ANTXR2: variants seen among roughly 807,000 people sequenced by gnomAD.
The protein encoded by ANTXR2 is ANTXR cell adhesion molecule 2.
ANTXR2 carries 44 observed loss-of-function variants against 73.7 expected under a neutral mutation model. That is an observed-to-expected ratio of 0.60 (90% CI 0.47 to 0.77). The LOEUF is 0.77. Ranked by LOEUF, ANTXR2 falls within the 30% of genes least tolerant of loss-of-function variation. ANTXR2 has a pLI of 0.00. For synonymous variants in ANTXR2, 217 were observed against 205.9 expected, an observed-to-expected ratio of 1.05 and a Z score of -0.46; for missense variants, 604 against 592.5, an observed-to-expected ratio of 1.02 and a Z score of -0.20.
chr4:79,901,502 C>T lies in ANTXR2; in HGVS notation c.*5927G>A, dbSNP rs1366319363. On this transcript the variant is annotated 3_prime_UTR_variant, in exon 17 of 17. Transcript: ENST00000403729. ...ATGCATATCTTTTTCATAGTCTACA[C>T]CCTAGAACAACCATACCCAATATTT... The T allele has an allele frequency of 6.9e-6, 1 of 144,632 alleles. No homozygotes were observed. Among genetic ancestry groups the T allele is most frequent in the Admixed American group, 7.4e-5 (1 of 13,590 alleles). The allele number at this position is 144,632 out of a possible 1,614,324, so 9.0% of individuals were successfully genotyped here.
chr4:80,010,870 G>A (rs557783305), intron 11 of ANTXR2, among the ~76,000 whole-genome samples: 10 of 152,028 alleles, frequency 6.6e-5, no homozygotes, highest in East Asian at 3.9e-4. Context: ...AAAAATGGCC[G>A]GGCACAGTGG....
intron 11 of ANTXR2, among the ~76,000 whole-genome samples, chr4:80,016,361 C>A: frequency 6.6e-6 from 1 of 152,108 alleles, no homozygotes; most frequent in Middle Eastern, 3.2e-3. Context: ...CTATAATATG[C>A]TCCCCATCCC....
At chr4:79,930,886 G>T (rs943552501) in intron 16 of ANTXR2, among the ~76,000 whole-genome samples, 1 of 152,012 alleles carries the variant, frequency 6.6e-6, no homozygotes, top group Non-Finnish European at 1.5e-5. Flanking sequence ...ATTTATTTCC[G>T]CTTACAGCTC....
At position 79,983,868 on chromosome 4, in the gene ANTXR2, A is replaced by G; in HGVS notation, c.1179+10T>C. On this transcript the variant is annotated intron_variant, in intron 14 of 16. Transcript: ENST00000403729. ...GATTAGCAGCTTCTATTTTTTTTTAAGATACCAACCTCCATTCTTTTAATT... is the reference window on the plus strand; with the variant it reads ...GATTAGCAGCTTCTATTTTTTTTTAGGATACCAACCTCCATTCTTTTAATT... The G allele has an allele frequency of 2.5e-6, 4 of 1,602,360 alleles. No homozygotes were observed. Among genetic ancestry groups the G allele is most frequent in the African/African-American group, 2.7e-5 (2 of 74,648 alleles).
At chr4:79,931,354 C>T (rs1728045536) in intron 16 of ANTXR2, among the ~76,000 whole-genome samples, 1 of 152,098 alleles carries the variant, frequency 6.6e-6, no homozygotes, top group African/African-American at 2.4e-5. Context: ...GTCAGGGACA[C>T]CAGCTGCAAA....
intron 16 of ANTXR2, among the ~76,000 whole-genome samples, chr4:79,932,074 G>A (rs1728079742): frequency 6.6e-6 from 1 of 151,852 alleles, no homozygotes; most frequent in Admixed American, 6.6e-5. Flanking sequence ...TCTGCCTCTT[G>A]AGCTAGAGGT....
chr4:79,912,641 C>T (rs11946402), intron 16 of ANTXR2, among the ~76,000 whole-genome samples: 49,879 of 151,906 alleles, frequency 0.33, 10,242 homozygotes, highest in Non-Finnish European at 0.45. Flanking sequence ...TCTTTAAAAA[C>T]TTACATTCTT....
At chr4:79,911,194 CA>C (rs774677672) in intron 16 of ANTXR2, among the ~76,000 whole-genome samples, 3 of 152,126 alleles carry the variant, frequency 2.0e-5, no homozygotes, top group Non-Finnish European at 4.4e-5. Flanking sequence ...TGGAATATGA[CA>C]AGGCTTACAA....
Position 79,955,778 on chromosome 4 carries a change from C to T in ANTXR2, c.1428+21843G>A, listed in dbSNP as rs112338325. 2.0e-4 allele frequency among the ~76,000 whole-genome samples: 30 copies of T among 152,252 alleles called. 1 individual carries two copies. The highest frequency in any genetic ancestry group is 3.5e-4 in the Non-Finnish European group (24 of 68,016). ...GCGCCGGACTGAAGCTGATAAATGA[C>T]AGTATCGAGATCCCAACTCCCCTGA... On this transcript the variant is annotated intron_variant, in intron 16 of 16. Coordinates refer to ENST00000403729, the MANE Select transcript of ANTXR2 (RefSeq NM_058172.6).
At chr4:80,000,929 C>T (rs1730999670) in intron 12 of ANTXR2, among the ~76,000 whole-genome samples, 1 of 151,920 alleles carries the variant, frequency 6.6e-6, no homozygotes, top group African/African-American at 2.4e-5. Flanking sequence ...TCATATCACC[C>T]CTGAGGAAGC....
intron 10 of ANTXR2, among the ~76,000 whole-genome samples, chr4:80,029,660 A>G (rs1445629578): frequency 2.6e-5 from 4 of 152,012 alleles, no homozygotes; most frequent in Non-Finnish European, 5.9e-5. Flanking sequence ...AAAAAGGTAT[A>G]CAGGTTACAG....
intron 16 of ANTXR2, among the ~76,000 whole-genome samples, chr4:79,915,856 C>CTATATATATATA (rs1474331161): frequency 5.3e-5 from 6 of 112,270 alleles, no homozygotes; most frequent in East Asian, 2.9e-4. Flanking sequence ...CTCTCTCTCT[C>CTATATATATATA]TCTCTCTATA....
intron 16 of ANTXR2, among the ~76,000 whole-genome samples, chr4:79,966,202 T>A (rs1057311035): frequency 9.1e-6 from 1 of 109,916 alleles, no homozygotes; most frequent in Admixed American, 1.1e-4. Context: ...CAAATATAAA[T>A]GTAGGTAGAT....
intron 9 of ANTXR2, among the ~76,000 whole-genome samples, chr4:80,032,585 G>A (rs1168080365): frequency 6.6e-6 from 1 of 151,686 alleles, no homozygotes; most frequent in Non-Finnish European, 1.5e-5. Flanking sequence ...CTGTGTGTAT[G>A]GCCAAAGCTG....
intron 3 of ANTXR2, among the ~76,000 whole-genome samples, chr4:80,061,462 A>T (rs1184182429): frequency 6.6e-6 from 1 of 152,152 alleles, no homozygotes; most frequent in African/African-American, 2.4e-5. Flanking sequence ...CTCTCAATAG[A>T]TTATTAGCCA....
At chr4:80,043,972 T>C (rs1305957435) in intron 7 of ANTXR2, among the ~76,000 whole-genome samples, 2 of 151,836 alleles carry the variant, frequency 1.3e-5, no homozygotes, top group African/African-American at 4.8e-5. Context: ...CCTTTCTACA[T>C]GACAAGAGGC....
intron 10 of ANTXR2, among the ~76,000 whole-genome samples, chr4:80,023,725 C>A (rs547342914): frequency 6.6e-6 from 1 of 152,120 alleles, no homozygotes; most frequent in African/African-American, 2.4e-5. Flanking sequence ...ATGGAGCACT[C>A]CGACAGGGTG....
chr4:80,054,869 ATTGAG>A (rs1421130760), intron 6 of ANTXR2, among the ~76,000 whole-genome samples: 2 of 151,484 alleles, frequency 1.3e-5, no homozygotes, highest in Non-Finnish European at 3.0e-5. Flanking sequence ...CATTTTGTCA[ATTGAG>A]TTAAGAGAAA....
rs193181757 is a variant in ANTXR2, at chr4:80,039,108, A to C, written c.637-3076T>G. 1.9e-3 allele frequency among the ~76,000 whole-genome samples: 290 copies of C among 152,208 alleles called. 1 individual carries two copies. The highest frequency in any genetic ancestry group is 3.0e-3 in the Non-Finnish European group (205 of 67,976). On this transcript the variant is annotated intron_variant, in intron 7 of 16. Coordinates refer to ENST00000403729, the MANE Select transcript of ANTXR2 (RefSeq NM_058172.6). Reference sequence around the variant, plus strand: ...TATTAGGACACAGATGAGTCAGGATAAAGTTAATTTATGTGATGAGGCATC... The same window carrying C: ...TATTAGGACACAGATGAGTCAGGATCAAGTTAATTTATGTGATGAGGCATC...
Sources: allele counts gnomAD v4.1 joint callset (sites outside exome capture counted in the v4.1 genomes callset), GRCh38; gene constraint gnomAD v4.1.1; transcripts MANE v1.5; gene names NCBI Gene and HGNC (gene_info 2026-07-23, HGNC 2026-07-21).